FOXP1: variants seen among roughly 807,000 people sequenced by gnomAD.
The protein encoded by FOXP1 is forkhead box protein P1.
Under a neutral mutation model 98.2 loss-of-function variants are expected in FOXP1, and 15 were observed. That is an observed-to-expected ratio of 0.15 (90% CI 0.10 to 0.24). The LOEUF (loss-of-function observed/expected upper bound fraction) is 0.24, where lower values mean the gene tolerates loss of function less well. FOXP1 is among the 10% of genes least tolerant of loss of function. The probability of loss-of-function intolerance (pLI) is 1.00; values close to 1 mark genes in which losing one functional copy is unlikely to be tolerated. For missense variants in FOXP1, 633 were observed against 848.5 expected (o/e 0.75, Z 3.15); for synonymous variants, 371 against 314.5 (o/e 1.18, Z -1.90).
intron 5 of FOXP1, among the ~76,000 whole-genome samples, chr3:71,206,485 C>T (rs982295548): frequency 4.6e-5 from 7 of 152,124 alleles, no homozygotes; most frequent in African/African-American, 1.7e-4. Context: ...GTTTAATTTT[C>T]CCTGTAATTC....
chr3:71,577,526 C>G (rs1393143576), intron 2 of FOXP1, among the ~76,000 whole-genome samples: 1 of 152,098 alleles, frequency 6.6e-6, no homozygotes, highest in Non-Finnish European at 1.5e-5. Context: ...TGCCTCATCT[C>G]AAGGCCTGCT....
chr3:71,253,674 T>A (rs2068401911), intron 5 of FOXP1, among the ~76,000 whole-genome samples: 1 of 152,156 alleles, frequency 6.6e-6, no homozygotes, highest in African/African-American at 2.4e-5. Context: ...ATTGTAATTT[T>A]AAAAAATATT....
chr3:71,208,951 C>T (rs978008416), intron 5 of FOXP1, among the ~76,000 whole-genome samples: 3 of 152,130 alleles, frequency 2.0e-5, no homozygotes, highest in African/African-American at 4.8e-5. Context: ...GAAATCAAAC[C>T]GGTTGGAGAC....
chr3:70,967,687 G>GTT lies in FOXP1; in HGVS notation c.1723-1633_1723-1632dup, dbSNP rs67711426. On this transcript the variant is annotated intron_variant, in intron 19 of 20. Transcript: ENST00000649528. The stretch of plus-strand genomic sequence containing the variant: ...GCAGTTGCCAGAACTACTATTATTT[G>GTT]TTTTTTTTTTTTGTTTTTTTTTGTT... Among the ~76,000 whole-genome samples the GTT allele has an allele frequency of 1.0e-3, 63 of 61,330 alleles. 1 individual carries two copies. The highest frequency in any genetic ancestry group is 1.6e-3 in the Non-Finnish European group (48 of 30,596). 40.2% of individuals were successfully genotyped at this position (61,330 alleles called of 152,430 possible).
intron 13 of FOXP1, 32 bp from the exon 14 acceptor site, chr3:70,988,109 T>C (rs1218544489): frequency 6.3e-7 from 1 of 1,581,932 alleles, no homozygotes; most frequent in Non-Finnish European, 8.7e-7. Flanking sequence ...GTTATTTCTC[T>C]GAATAAAGAT....
At chr3:70,963,360 T>C (rs1005504426) in intron 20 of FOXP1, among the ~76,000 whole-genome samples, 2 of 152,212 alleles carry the variant, frequency 1.3e-5, no homozygotes, top group African/African-American at 4.8e-5. Flanking sequence ...CCCTGGGGTG[T>C]GGCAAACGTG....
At chr3:71,390,399 A>G (rs570873316) in intron 3 of FOXP1, among the ~76,000 whole-genome samples, 18 of 152,212 alleles carry the variant, frequency 1.2e-4, no homozygotes, top group African/African-American at 4.1e-4. Context: ...TGCGACATGC[A>G]ACCCACCTTC....
intron 5 of FOXP1, among the ~76,000 whole-genome samples, chr3:71,248,732 C>T (rs922119046): frequency 3.8e-5 from 4 of 104,510 alleles, no homozygotes; most frequent in Admixed American, 1.0e-4. Flanking sequence ...CAGAGCAAGA[C>T]GTCATCTCAA....
Position 71,102,636 on chromosome 3 carries a change from G to T in FOXP1, c.282+9900C>A, listed in dbSNP as rs532931769. Among the ~76,000 whole-genome samples, 25 of 152,314 alleles carry T rather than the reference G, an allele frequency of 1.6e-4. No individual in the cohort carries two copies. The South Asian group carries it at 2.9e-3, about 18-fold the overall frequency. On this transcript the variant is annotated intron_variant, in intron 7 of 20. Coordinates refer to ENST00000649528, the MANE Select transcript of FOXP1 (RefSeq NM_001349338.3). ...CAAGCGTCATTTCCCTTTAGAAAGT[G>T]CATATTTCAATTATAAGCACTATTT...
chr3:71,022,833 C>G (rs1270042385), intron 11 of FOXP1, among the ~76,000 whole-genome samples: 3 of 152,188 alleles, frequency 2.0e-5, no homozygotes, highest in Non-Finnish European at 4.4e-5. Context: ...GCATAGGGAA[C>G]AGGCACCAAT....
intron 2 of FOXP1, among the ~76,000 whole-genome samples, chr3:71,528,177 C>T (rs2043548783): frequency 1.3e-5 from 2 of 152,148 alleles, no homozygotes; most frequent in South Asian, 4.1e-4. Context: ...TGTGCTTACA[C>T]CTCCCGGCAT....
chr3:71,582,760 A>AGGGGTGCGTGTCTGGCTG (rs1447408748), intron 1 of FOXP1: 14 of 985,130 alleles, frequency 1.4e-5, no homozygotes, highest in East Asian at 1.1e-4. Context: ...GAGCGCGCGT[A>AGGGGTGCGTGTCTGGCTG]GGGGTGCGTG....
At chr3:71,048,411 G>A (rs536678987) in intron 9 of FOXP1, among the ~76,000 whole-genome samples, 2 of 152,008 alleles carry the variant, frequency 1.3e-5, no homozygotes, top group African/African-American at 4.8e-5. Flanking sequence ...GTTTCCTTTC[G>A]GTCTTCATGT....
chr3:70,987,654 T>C (rs1487588566), intron 14 of FOXP1, among the ~76,000 whole-genome samples: 2 of 152,234 alleles, frequency 1.3e-5, no homozygotes, highest in African/African-American at 4.8e-5. Context: ...CTGTCTTCTC[T>C]GCGTTCCTAC....
intron 5 of FOXP1, among the ~76,000 whole-genome samples, chr3:71,208,240 T>G (rs1158067157): frequency 6.6e-6 from 1 of 152,210 alleles, no homozygotes; most frequent in Non-Finnish European, 1.5e-5. Context: ...TACTAGACTT[T>G]TTCTCCTACA....
At chr3:71,048,794 C>G (rs1382767716) in intron 9 of FOXP1, among the ~76,000 whole-genome samples, 2 of 137,578 alleles carry the variant, frequency 1.5e-5, no homozygotes, top group African/African-American at 5.7e-5. Flanking sequence ...TTTCTGAAAG[C>G]AGACTATAAT....
At chr3:71,177,939 T>C (rs2062043692) in intron 6 of FOXP1, among the ~76,000 whole-genome samples, 1 of 147,788 alleles carries the variant, frequency 6.8e-6, no homozygotes, top group South Asian at 2.2e-4. Context: ...CCTCCCAGGC[T>C]CACCTTTCAT....
chr3:71,517,760 C>T (rs767691446), intron 2 of FOXP1, among the ~76,000 whole-genome samples: 2 of 152,194 alleles, frequency 1.3e-5, no homozygotes, highest in African/African-American at 2.4e-5. Flanking sequence ...AAGCTACTCA[C>T]GCTCTCAAGA....
At chr3:71,388,642 C>T (rs1306377316) in intron 3 of FOXP1, among the ~76,000 whole-genome samples, 1 of 151,990 alleles carries the variant, frequency 6.6e-6, no homozygotes, top group Non-Finnish European at 1.5e-5. Flanking sequence ...CACTTAGTTG[C>T]TTTCAAGGGT....
Sources: allele counts gnomAD v4.1 joint callset (sites outside exome capture counted in the v4.1 genomes callset), GRCh38; gene constraint gnomAD v4.1.1; transcripts MANE v1.5; gene names NCBI Gene and HGNC (gene_info 2026-07-23, HGNC 2026-07-21).